ZNF7: variants seen among roughly 807,000 people sequenced by gnomAD.
The protein encoded by ZNF7 is C2-H2 type zinc finger protein.
A neutral mutation model predicts 12.0 loss-of-function variants in ZNF7; 10 were observed. The ratio of observed to expected loss-of-function variants is 0.83; its 90% CI spans 0.51 to 1.42. The LOEUF is 1.42. Ranked by LOEUF, ZNF7 falls within the 40% of genes most tolerant of loss-of-function variation. The pLI is 0.00. For synonymous variants in ZNF7, 334 were observed against 295.0 expected (o/e 1.13, Z -1.35); for missense variants, 854 against 837.2 (o/e 1.02, Z -0.25).
At chr8:144,840,839 A>G (rs868743790) in intron 4 of ZNF7, among the ~76,000 whole-genome samples, 1 of 152,148 alleles carries the variant, frequency 6.6e-6, no homozygotes, top group Non-Finnish European at 1.5e-5. Flanking sequence ...CCCAGGGAGT[A>G]GCCATGAACG....
rs754286862 is a variant in ZNF7, at chr8:144,843,187, T to C, written c.*19T>C. 3 of 1,539,428 alleles carry C rather than the reference T, an allele frequency of 1.9e-6. No individual in the cohort carries two copies. The Admixed American group carries it at 6.5e-5, about 33-fold the overall frequency. On this transcript the variant is annotated 3_prime_UTR_variant, in exon 5 of 5. Transcript: ENST00000532777. ...GGGATAGACCACTTACATATAAATG[T>C]GTATATATGTGAATAAACCTATAGC...
chr8:144,845,015 TGGGAGGAGAAACAGGGGCAGGGTCA>T (rs1468063890), downstream of ZNF7, among the ~76,000 whole-genome samples: 3 of 151,882 alleles, frequency 2.0e-5, no homozygotes, highest in East Asian at 3.9e-4. Context: ...AAAGGACAGA[TGGGAGGAGAAACAGGGGCAGGGTCA>T]GGGAGGAGAA....
rs559441614 is a variant in ZNF7, at chr8:144,837,238, T to G, written c.131-153T>G. On this transcript the variant is annotated intron_variant, in intron 3 of 4. Transcript: ENST00000532777. ...AGAAAGGGCTGCTGTGTCCCCAGATTCTCCCCACCCTCCACCCACTCTCCC... is the reference window on the plus strand; with the variant it reads ...AGAAAGGGCTGCTGTGTCCCCAGATGCTCCCCACCCTCCACCCACTCTCCC... 26 of 578,248 alleles carry G rather than the reference T, an allele frequency of 4.5e-5. 1 individual carries two copies. In the South Asian group the frequency reaches 6.7e-4, roughly 15 times the overall value. 35.8% of individuals were successfully genotyped at this position (578,248 alleles called of 1,614,324 possible). A position where few individuals can be genotyped will look rare whatever the true frequency, so the allele number is the denominator to read the frequency against.
At chr8:144,846,059 A>G (rs1830496890), downstream of ZNF7, 1 of 1,536,564 alleles carries the variant, frequency 6.5e-7, no homozygotes, top group Non-Finnish European at 8.7e-7. Context: ...TGGCCTTCCA[A>G]AACACTGCTC....
At position 144,842,999 on chromosome 8, in the gene ZNF7, A is replaced by G. The variant is rs1163133830; in HGVS notation, c.1892A>G (p.Lys631Arg). ...FVSRKKVNTI[K>R]KLHQCEDCEK... ...AGCCGTAAAAAGGTTAATACTATAA[A>G]GAAACTGCATCAGTGTGAAGACTGT... The change falls in exon 5 of 5, where the codon AAG becomes AGG. Residue 631 changes from lysine (K) to arginine (R), a missense_variant. By Grantham distance (26) the Lys-to-Arg change is conservative. Coordinates refer to ENST00000532777, the MANE Select transcript of ZNF7 (RefSeq NM_003416.4). 6.2e-7 allele frequency: 1 copy of G among 1,614,110 alleles called. No individual in the cohort carries two copies. Among genetic ancestry groups the G allele is most frequent in the Non-Finnish European group, 8.5e-7 (1 of 1,180,050 alleles).
rs1403021470 is a variant in ZNF7, at chr8:144,843,578, A to G, written c.*410A>G. ...ACTCCAGCCTGGGTGACAGAGTGAGACTCCCTCTCAAAAAAAAAAAAAAAA... is the reference window on the plus strand; with the variant it reads ...ACTCCAGCCTGGGTGACAGAGTGAGGCTCCCTCTCAAAAAAAAAAAAAAAA... On this transcript the variant is annotated 3_prime_UTR_variant, in exon 5 of 5. Coordinates refer to ENST00000532777, the MANE Select transcript of ZNF7 (RefSeq NM_003416.4). The G allele has an allele frequency of 9.4e-6, 1 of 106,416 alleles. No individual in the cohort carries two copies. Among genetic ancestry groups the G allele is most frequent in the African/African-American group, 3.9e-5 (1 of 25,460 alleles). 6.6% of individuals were successfully genotyped at this position (106,416 alleles called of 1,614,324 possible). A position where few individuals can be genotyped will look rare whatever the true frequency, so the allele number is the denominator to read the frequency against.
downstream of ZNF7, chr8:144,846,031 G>A (rs539222458): frequency 1.4e-5 from 21 of 1,536,590 alleles, no homozygotes; most frequent in Middle Eastern, 1.7e-4. Context: ...CACATGCACC[G>A]CCTGCAACTC....
chr8:144,840,431 G>T lies in ZNF7; in HGVS notation c.248-924G>T, dbSNP rs189113793. Among the ~76,000 whole-genome samples the T allele has an allele frequency of 5.8e-4, 88 of 152,262 alleles. 2 individuals are homozygous for T. The South Asian group carries it at 0.012, about 21-fold the overall frequency. ...CTGTGCATTCATGTGGGGTAGACTC[G>T]GGCTGGTTATAGCTGTGGCTGCGTG... On this transcript the variant is annotated intron_variant, in intron 4 of 4. Coordinates refer to ENST00000532777, the MANE Select transcript of ZNF7 (RefSeq NM_003416.4).
intron 3 of ZNF7, chr8:144,829,814 G>A (rs547420107): frequency 2.1e-6 from 1 of 485,256 alleles, no homozygotes; most frequent in South Asian, 8.0e-5. Context: ...GGGATTCTGG[G>A]AGTTAGTAAA....
Position 144,837,324 on chromosome 8 carries a change from A to C in ZNF7, c.131-67A>C, listed in dbSNP as rs1424768711. ...CCCCTTTCCATTTGGAAACTGGGGAAGACTTAGCCCTGTGCTGCACACTTC... is the reference window on the plus strand; with the variant it reads ...CCCCTTTCCATTTGGAAACTGGGGACGACTTAGCCCTGTGCTGCACACTTC... On this transcript the variant is annotated intron_variant, in intron 3 of 4. Transcript: ENST00000532777. 3.7e-6 allele frequency: 5 copies of C among 1,359,784 alleles called. No individual in the cohort carries two copies. In the African/African-American group the frequency reaches 7.1e-5, roughly 19 times the overall value. The allele number at this position is 1,359,784 out of a possible 1,614,324, so 84.2% of individuals were successfully genotyped here.
intron 4 of ZNF7, chr8:144,837,949 C>T: frequency 1.5e-6 from 1 of 645,578 alleles, no homozygotes; most frequent in Non-Finnish European, 2.8e-6. Context: ...CCTGTGGCTG[C>T]CATAACAATG....
rs543905701 is a variant in ZNF7 at position 144,843,323 on chromosome 8, C to G, written c.*155C>G. 4.7e-5 allele frequency: 46 copies of G among 986,474 alleles called. 1 individual carries two copies. The highest frequency in any genetic ancestry group is 2.9e-4 in the South Asian group (15 of 51,970). The allele number at this position is 986,474 out of a possible 1,614,324, so 61.1% of individuals were successfully genotyped here. Reference sequence around the variant, plus strand: ...TCCAACTTCAGGCCGAGTGTGGTGGCTTATGCCTGTCATCCCAGCACTTTG... The same window carrying G: ...TCCAACTTCAGGCCGAGTGTGGTGGGTTATGCCTGTCATCCCAGCACTTTG... On this transcript the variant is annotated 3_prime_UTR_variant, in exon 5 of 5. Coordinates refer to ENST00000532777, the MANE Select transcript of ZNF7 (RefSeq NM_003416.4).
downstream of ZNF7, among the ~76,000 whole-genome samples, chr8:144,843,995 G>A (rs11988456): frequency 6.6e-6 from 1 of 152,128 alleles, no homozygotes; most frequent in Non-Finnish European, 1.5e-5. Flanking sequence ...GGCTGGGCTA[G>A]CAGGTACACG....
chr8:144,845,017 G>A (rs1386786412), downstream of ZNF7, among the ~76,000 whole-genome samples: 9 of 152,108 alleles, frequency 5.9e-5, no homozygotes, highest in Admixed American at 2.0e-4. Context: ...AGGACAGATG[G>A]GAGGAGAAAC....
intron 1 of ZNF7, chr8:144,828,045 T>A (rs1222676581): frequency 6.6e-6 from 1 of 152,298 alleles, no homozygotes; most frequent in Admixed American, 6.5e-5. Context: ...GAACGGTGCC[T>A]TGGGTGGGGT....
rs1377160675 is a variant in ZNF7, at chr8:144,842,019, G to A, written c.912G>A (p.Lys304=). The change falls in exon 5 of 5, where the codon AAG becomes AAA. Residue 304 remains lysine (K), a synonymous_variant. Coordinates refer to ENST00000532777, the MANE Select transcript of ZNF7 (RefSeq NM_003416.4). ...IQHQRIHTGE[K]PYRCEECGKA... is the part of the protein sequence containing the mutation. The stretch of plus-strand genomic sequence containing the variant: ...ATCAAAGAATCCACACTGGGGAGAA[G>A]CCCTACAGATGTGAGGAATGTGGAA... The A allele has an allele frequency of 1.2e-6, 2 of 1,614,094 alleles. No homozygotes were observed. Among genetic ancestry groups the A allele is most frequent in the African/African-American group, 1.3e-5 (1 of 75,018 alleles).
At position 144,827,619 on chromosome 8, in the gene ZNF7, C is replaced by T; in HGVS notation, c.-46+10C>T. ...GTGGTCCTCAGGGAGGGTGAGTCGG[C>T]GCGGCGGGCGCGGACTCGGGTTGCC... On this transcript the variant is annotated intron_variant, in intron 1 of 4. Coordinates refer to ENST00000532777, the MANE Select transcript of ZNF7 (RefSeq NM_003416.4). The T allele has an allele frequency of 1.0e-6, 1 of 985,494 alleles. No homozygotes were observed. The highest frequency in any genetic ancestry group is 4.7e-5 in the South Asian group (1 of 21,292). The allele number at this position is 985,494 out of a possible 1,614,324, so 61.0% of individuals were successfully genotyped here. A position where few individuals can be genotyped will look rare whatever the true frequency, so the allele number is the denominator to read the frequency against.
chr8:144,838,300 C>T (rs1427520280), intron 4 of ZNF7: 2 of 585,348 alleles, frequency 3.4e-6, no homozygotes, highest in Non-Finnish European at 6.2e-6. Flanking sequence ...TCTGCAACGA[C>T]TGTGTTTCCA....
Position 144,832,389 on chromosome 8 carries a change from C to T in ZNF7, c.130+2785C>T, listed in dbSNP as rs1322593064. Reference sequence around the variant, plus strand: ...AGTGAGCCGGGATTGTGCCACTGCACTCCAGCCTGGGTGACAGAGCGAGAC... The same window carrying T: ...AGTGAGCCGGGATTGTGCCACTGCATTCCAGCCTGGGTGACAGAGCGAGAC... On this transcript the variant is annotated intron_variant, in intron 3 of 4. Transcript: ENST00000532777. Among the ~76,000 whole-genome samples the T allele has an allele frequency of 4.1e-5, 3 of 72,406 alleles. 1 individual carries two copies. Among genetic ancestry groups the T allele is most frequent in the African/African-American group, 1.1e-4 (3 of 26,968 alleles). 47.5% of individuals were successfully genotyped at this position (72,406 alleles called of 152,430 possible).
Sources: allele counts gnomAD v4.1 joint callset (sites outside exome capture counted in the v4.1 genomes callset), GRCh38; gene constraint gnomAD v4.1.1; transcripts MANE v1.5; gene names NCBI Gene and HGNC (gene_info 2026-07-23, HGNC 2026-07-21).